Variants in RORA observed in about 807,000 individuals in gnomAD.
RORA encodes the protein RAR related orphan receptor A.
RORA carries 7 observed loss-of-function variants against 69.5 expected under a neutral mutation model. The observed-to-expected ratio is 0.10, with a 90% CI of 0.06 to 0.19. The LOEUF (loss-of-function observed/expected upper bound fraction) is 0.19. RORA is among the 10% of genes least tolerant of loss of function. The pLI is 1.00. For synonymous variants in RORA, 261 were observed against 240.8 expected (o/e 1.08, Z -0.78); for missense variants, 457 against 663.0 (o/e 0.69, Z 3.41).
At chr15:60,932,802 A>T (rs992221459) in intron 1 of RORA, among the ~76,000 whole-genome samples, 1 of 152,136 alleles carries the variant, frequency 6.6e-6, no homozygotes, top group African/African-American at 2.4e-5. Context: ...GGCATGTGAC[A>T]CTGAGGACCT....
At chr15:61,043,163 G>A (rs1896864351) in intron 1 of RORA, among the ~76,000 whole-genome samples, 1 of 152,162 alleles carries the variant, frequency 6.6e-6, no homozygotes, top group African/African-American at 2.4e-5. Context: ...TCCCATTTTA[G>A]AGATGGAAAA....
chr15:60,825,248 C>T (rs1255433642), intron 1 of RORA, among the ~76,000 whole-genome samples: 1 of 152,164 alleles, frequency 6.6e-6, no homozygotes, highest in Admixed American at 6.6e-5. Flanking sequence ...TAGAACCACA[C>T]CTCAGAGCAC....
intron 2 of RORA, among the ~76,000 whole-genome samples, chr15:60,672,745 T>A (rs1437185851): frequency 2.0e-5 from 3 of 152,202 alleles, no homozygotes; most frequent in Non-Finnish European, 2.9e-5. Context: ...GATGAGCAGA[T>A]TAAATGAAAT....
intron 2 of RORA, among the ~76,000 whole-genome samples, chr15:60,677,827 C>T (rs1178492428): frequency 6.6e-6 from 1 of 152,134 alleles, no homozygotes; most frequent in Non-Finnish European, 1.5e-5. Flanking sequence ...GAAGAATGCC[C>T]AAACATATCT....
intron 1 of RORA, among the ~76,000 whole-genome samples, chr15:60,924,816 T>C (rs61365693): frequency 8.4e-4 from 128 of 152,234 alleles, no homozygotes; most frequent in African/African-American, 3.0e-3. Flanking sequence ...CAGTGGCTCA[T>C]GCCTGTAATC....
chr15:61,115,794 C>T (rs1459515552), intron 1 of RORA, among the ~76,000 whole-genome samples: 5 of 152,144 alleles, frequency 3.3e-5, no homozygotes, highest in African/African-American at 1.2e-4. Flanking sequence ...AATTATTCTA[C>T]AAGGAGGTCC....
chr15:60,808,363 TAC>T (rs1214785765), intron 1 of RORA, among the ~76,000 whole-genome samples: 1 of 152,172 alleles, frequency 6.6e-6, no homozygotes, highest in Non-Finnish European at 1.5e-5. Context: ...CACAGTGGAA[TAC>T]CACTTCACTC....
intron 3 of RORA, among the ~76,000 whole-genome samples, chr15:60,520,709 G>A (rs2066135535): frequency 1.3e-5 from 2 of 152,126 alleles, no homozygotes; most frequent in African/African-American, 2.4e-5. Context: ...GGAGTTTTGG[G>A]TGGAACTGAG....
intron 1 of RORA, among the ~76,000 whole-genome samples, chr15:61,219,655 T>C (rs1292813756): frequency 6.6e-6 from 1 of 151,968 alleles, no homozygotes; most frequent in African/African-American, 2.4e-5. Context: ...GAACATGAGG[T>C]AAGAAAGTAC....
intron 1 of RORA, among the ~76,000 whole-genome samples, chr15:60,706,925 T>A (rs2071070669): frequency 6.6e-6 from 1 of 152,206 alleles, no homozygotes. Context: ...TGAACTACAT[T>A]TTTGACAGGT....
chr15:60,920,941 T>C (rs1892025510), intron 1 of RORA, among the ~76,000 whole-genome samples: 1 of 152,210 alleles, frequency 6.6e-6, no homozygotes, highest in Admixed American at 6.5e-5. Flanking sequence ...GCCTTGAAGG[T>C]CTGGATTGGG....
intron 1 of RORA, among the ~76,000 whole-genome samples, chr15:60,756,802 G>A (rs1277622923): frequency 6.6e-6 from 1 of 152,036 alleles, no homozygotes; most frequent in Non-Finnish European, 1.5e-5. Context: ...TCAACCTACA[G>A]TTCAATATTT....
chr15:61,120,617 C>T (rs902927488), intron 1 of RORA, among the ~76,000 whole-genome samples: 1 of 148,452 alleles, frequency 6.7e-6, no homozygotes, highest in African/African-American at 2.5e-5. Context: ...AGGAGAACGG[C>T]GTTAACCCGG....
chr15:60,770,454 G>C (rs2072056915), intron 1 of RORA, among the ~76,000 whole-genome samples: 1 of 152,140 alleles, frequency 6.6e-6, no homozygotes, highest in Non-Finnish European at 1.5e-5. Context: ...TGCCTCATTT[G>C]TGACATTATT....
At chr15:61,143,666 G>A (rs182073516) in intron 1 of RORA, among the ~76,000 whole-genome samples, 59 of 152,276 alleles carry the variant, frequency 3.9e-4, no homozygotes, top group Non-Finnish European at 7.1e-4. Flanking sequence ...TTTCAGATGT[G>A]GGAAAATGGT....
At chr15:60,833,366 C>T (rs1407063903) in intron 1 of RORA, among the ~76,000 whole-genome samples, 1 of 152,124 alleles carries the variant, frequency 6.6e-6, no homozygotes, top group Non-Finnish European at 1.5e-5. Context: ...CAGGCATGCA[C>T]CACCACGCCT....
chr15:60,671,627 T>C (rs905742768), intron 2 of RORA, among the ~76,000 whole-genome samples: 1 of 151,698 alleles, frequency 6.6e-6, no homozygotes, highest in African/African-American at 2.4e-5. Context: ...TTTTTTTCTT[T>C]TTGAGACAGA....
intron 1 of RORA, among the ~76,000 whole-genome samples, chr15:60,873,628 G>A (rs2073582880): frequency 6.6e-6 from 1 of 152,124 alleles, no homozygotes. Flanking sequence ...TTAATTTGCT[G>A]CTAAGATAAA....
intron 2 of RORA, among the ~76,000 whole-genome samples, chr15:60,564,435 T>G (rs2067659099): frequency 6.6e-6 from 1 of 152,322 alleles, no homozygotes; most frequent in Non-Finnish European, 1.5e-5. Context: ...TTGGAACCAT[T>G]TTTTACTGCC....
Sources: allele counts gnomAD v4.1 joint callset (sites outside exome capture counted in the v4.1 genomes callset), GRCh38; gene constraint gnomAD v4.1.1; transcripts MANE v1.5; gene names NCBI Gene and HGNC (gene_info 2026-07-23, HGNC 2026-07-21).